Variants in OSBPL10 observed in about 807,000 individuals in gnomAD.
The protein encoded by OSBPL10 is oxysterol-binding protein-related protein 10.
In OSBPL10, 49 loss-of-function variants were observed where a neutral mutation model predicts 81.7. The ratio of observed to expected loss-of-function variants is 0.60; its 90% CI spans 0.48 to 0.76. The LOEUF (loss-of-function observed/expected upper bound fraction) is 0.76, where lower values mean the gene tolerates loss of function less well. OSBPL10 is among the 30% of genes least tolerant of loss of function. OSBPL10 has a pLI of 0.00. For synonymous variants in OSBPL10, 419 were observed against 383.6 expected (o/e 1.09, Z -1.08); for missense variants, 923 against 987.8 (o/e 0.93, Z 0.88).
chr3:31,925,118 C>T (rs1283775407), intron 1 of OSBPL10, among the ~76,000 whole-genome samples: 1 of 152,174 alleles, frequency 6.6e-6, no homozygotes, highest in Non-Finnish European at 1.5e-5. Flanking sequence ...GGACCTATTT[C>T]CTCTAAGTAG....
intron 3 of OSBPL10, among the ~76,000 whole-genome samples, chr3:31,856,852 G>A (rs1700924360): frequency 6.6e-6 from 1 of 152,164 alleles, no homozygotes; most frequent in South Asian, 2.1e-4. Context: ...AAGGTGGGAG[G>A]ATCACTTGAG....
rs1378058573 is a variant in OSBPL10, at chr3:31,670,868, G to C, written c.1842C>G (p.Asn614Lys). The change falls in exon 9 of 12, where the codon AAC becomes AAG. Residue 614 changes from asparagine (N) to lysine (K), a missense_variant. Around this residue, in one of 3 missense-constraint regions of OSBPL10, gnomAD observed 387 missense variants for 436.3 expected, o/e 0.89. Coordinates refer to ENST00000396556, the MANE Select transcript of OSBPL10 (RefSeq NM_017784.5). ...WVELGGKVSI[N>K]CAKTGYSATV... ...TCGCTGAGTACCCAGTCTTGGCACA[G>C]TTGATGCTGACTTTTCCTCCGAGCT... is the stretch of plus-strand genomic sequence containing the variant. 6.2e-7 allele frequency: 1 copy of C among 1,614,208 alleles called. No homozygotes were observed. Among genetic ancestry groups the C allele is most frequent in the Admixed American group, 1.7e-5 (1 of 60,034 alleles).
intron 1 of OSBPL10, among the ~76,000 whole-genome samples, chr3:31,925,637 C>T (rs1294501125): frequency 2.0e-5 from 3 of 151,888 alleles, no homozygotes; most frequent in East Asian, 1.9e-4. Flanking sequence ...ATGTGGTGAA[C>T]CCCCGTCTCT....
At chr3:31,764,911 C>T (rs183643079) in intron 4 of OSBPL10, among the ~76,000 whole-genome samples, 260 of 152,258 alleles carry the variant, frequency 1.7e-3, no homozygotes, top group Middle Eastern at 6.8e-3. Flanking sequence ...CTTCTTCGAC[C>T]CCGGCTTACA....
In OSBPL10 at chr3:31,936,865, T is replaced by C. The variant is rs573904059; in HGVS notation, c.281+44034A>G. Among the ~76,000 whole-genome samples the C allele has an allele frequency of 8.5e-5, 13 of 152,304 alleles. No individual in the cohort carries two copies. In the East Asian group the frequency reaches 2.5e-3, roughly 29 times the overall value. On this transcript the variant is annotated intron_variant, in intron 1 of 11. Transcript: ENST00000396556. ...GAACCAGACATGACTTATCACACCG[T>C]GTAACCAAGGCACTGAATGGAACTG... is the stretch of plus-strand genomic sequence containing the variant.
chr3:31,997,963 T>C, intron 2 of OSBPL10, among the ~76,000 whole-genome samples: 1 of 151,978 alleles, frequency 6.6e-6, no homozygotes, highest in East Asian at 1.9e-4. Context: ...CTAATTTTGT[T>C]TTATTTTTTT....
At chr3:31,732,955 G>T (rs1697024507) in intron 6 of OSBPL10, 2 of 410,986 alleles carry the variant, frequency 4.9e-6, no homozygotes, top group East Asian at 1.2e-4. Context: ...ATGTCAATAG[G>T]CACCATGTTA....
rs781507831 is a variant in OSBPL10, at chr3:31,990,248, C to T, written n.298+56243G>A. 12 of 1,613,892 alleles carry T rather than the reference C, an allele frequency of 7.4e-6. No homozygotes were observed. The African/African-American group carries it at 1.6e-4, about 22-fold the overall frequency. ...CAGTCAACACTTATTCACCATCAAG[C>T]AATCCATGGTATAGGGAAACTTTAT... is the stretch of plus-strand genomic sequence containing the variant. On this transcript the variant is annotated intron_variant and non_coding_transcript_variant, in intron 2 of 3. Coordinates refer to the OSBPL10 transcript ENST00000479173.
Position 31,661,982 on chromosome 3 carries a change from CA to C in OSBPL10, c.*89del. On this transcript the variant is annotated 3_prime_UTR_variant, in exon 12 of 12. Coordinates refer to ENST00000396556, the MANE Select transcript of OSBPL10 (RefSeq NM_017784.5). ...TTTCTTGGATGCTAATACAAGGTCTCAGTGAATGCCAACAAAACCCTGATAC... is the reference window on the plus strand; with the variant it reads ...TTTCTTGGATGCTAATACAAGGTCTCGTGAATGCCAACAAAACCCTGATAC... 24 of 1,543,318 alleles carry C rather than the reference CA, an allele frequency of 1.6e-5. No homozygotes were observed. Among genetic ancestry groups the C allele is most frequent in the Non-Finnish European group, 2.1e-5 (24 of 1,136,456 alleles).
chr3:31,986,674 A>G (rs1344516467), intron 2 of OSBPL10, among the ~76,000 whole-genome samples: 2 of 152,194 alleles, frequency 1.3e-5, no homozygotes. Flanking sequence ...TTATTTTATT[A>G]AATAGATGCT....
intron 4 of OSBPL10, among the ~76,000 whole-genome samples, chr3:31,801,125 C>CA (rs1325761291): frequency 6.6e-6 from 1 of 152,128 alleles, no homozygotes; most frequent in Admixed American, 6.5e-5. Context: ...GACTTGCTCA[C>CA]AAGTCCCTGG....
intron 3 of OSBPL10, among the ~76,000 whole-genome samples, chr3:31,858,367 GTTT>G (rs1307806705): frequency 6.6e-6 from 1 of 152,056 alleles, no homozygotes; most frequent in Admixed American, 6.6e-5. Flanking sequence ...CAGAAGCTCA[GTTT>G]TTTATCAGAA....
chr3:31,986,235 A>C (rs138417805), upstream of OSBPL10: 1 of 152,222 alleles, frequency 6.6e-6, no homozygotes, highest in Admixed American at 6.5e-5. Context: ...TGTTTATTGC[A>C]TGATAAATGA....
At chr3:31,928,347 C>T (rs959614134) in intron 1 of OSBPL10, among the ~76,000 whole-genome samples, 2 of 152,284 alleles carry the variant, frequency 1.3e-5, no homozygotes, top group Admixed American at 1.3e-4. Context: ...ATGACTCATA[C>T]ATCAAGGTGA....
At chr3:32,069,834 C>T (rs1469426584) in intron 1 of OSBPL10, among the ~76,000 whole-genome samples, 1 of 152,178 alleles carries the variant, frequency 6.6e-6, no homozygotes, top group Non-Finnish European at 1.5e-5. Flanking sequence ...AGCCATAGCT[C>T]CCAGGGGCTC....
intron 2 of OSBPL10, among the ~76,000 whole-genome samples, chr3:32,043,482 A>G (rs1313435119): frequency 6.6e-6 from 1 of 152,206 alleles, no homozygotes; most frequent in Non-Finnish European, 1.5e-5. Flanking sequence ...TCAGCTTACG[A>G]AGATAACAGG....
chr3:31,890,299 T>A (rs936665792), intron 1 of OSBPL10, among the ~76,000 whole-genome samples: 1 of 151,724 alleles, frequency 6.6e-6, no homozygotes, highest in African/African-American at 2.4e-5. Flanking sequence ...TCATTTTGTC[T>A]TAGTCAAAAA....
At chr3:31,843,453 C>A (rs570973635) in intron 3 of OSBPL10, among the ~76,000 whole-genome samples, 44 of 152,326 alleles carry the variant, frequency 2.9e-4, no homozygotes, top group African/African-American at 9.6e-4. Flanking sequence ...TTTTGTTCCT[C>A]TTGCTCTCCT....
At position 31,761,813 on chromosome 3, in the gene OSBPL10, T is replaced by TAAAAAAAAAAAAAAAAAAAA. The variant is rs34579457; in HGVS notation, c.730-13694_730-13693insTTTTTTTTTTTTTTTTTTTT. 3.7e-4 allele frequency among the ~76,000 whole-genome samples: 40 copies of TAAAAAAAAAAAAAAAAAAAA among 107,520 alleles called. 2 individuals carry two copies. Among genetic ancestry groups the TAAAAAAAAAAAAAAAAAAAA allele is most frequent in the African/African-American group, 2.0e-3 (32 of 15,696 alleles). The allele number at this position is 107,520 out of a possible 152,430, so 70.5% of individuals were successfully genotyped here. A position where few individuals can be genotyped will look rare whatever the true frequency, so the allele number is the denominator to read the frequency against. ...CTGGGCAACAGAGCAAGACTGTCTCTAAAAAAAAAAAAAAAAAACCCTAAA... is the reference window on the plus strand; with the variant it reads ...CTGGGCAACAGAGCAAGACTGTCTCTAAAAAAAAAAAAAAAAAAAAAAAAAAAAAAAAAAAAAACCCTAAA... On this transcript the variant is annotated intron_variant, in intron 4 of 11. Coordinates refer to ENST00000396556, the MANE Select transcript of OSBPL10 (RefSeq NM_017784.5).
Sources: allele counts gnomAD v4.1 joint callset (sites outside exome capture counted in the v4.1 genomes callset), GRCh38; gene constraint gnomAD v4.1.1; regional missense constraint gnomAD v4.1.1; transcripts MANE v1.5; gene names NCBI Gene and HGNC (gene_info 2026-07-23, HGNC 2026-07-21).